DCP1B: variants seen among roughly 807,000 people sequenced by gnomAD.
DCP1B encodes mRNA-decapping enzyme 1B.
In DCP1B, 47 loss-of-function variants were observed where a neutral mutation model predicts 60.5. That is an observed-to-expected ratio of 0.78 (90% CI 0.61 to 0.99). DCP1B has a LOEUF of 0.99. Among genes scored for constraint, DCP1B ranks in the 50% least tolerant of loss-of-function variants. The pLI, the probability that DCP1B is intolerant of heterozygous loss-of-function variation, is 0.00. For synonymous variants in DCP1B, 267 were observed against 280.3 expected (o/e 0.95, Z 0.47); for missense variants, 725 against 756.8 (o/e 0.96, Z 0.49).
At position 1,950,091 on chromosome 12, in the gene DCP1B, A is replaced by C. The variant is rs576916307; in HGVS notation, c.1525-757T>G. On this transcript the variant is annotated intron_variant, in intron 7 of 8. Transcript: ENST00000280665. ...TGCTTCTAACTCAGGGAAGAAAAAG[A>C]ATGTTATTTATCAGCCTCCGAACTC... 4 of 510,500 alleles carry C rather than the reference A, an allele frequency of 7.8e-6. No individual in the cohort carries two copies. In the East Asian group the frequency reaches 1.2e-4, roughly 15 times the overall value. The allele number at this position is 510,500 out of a possible 1,614,324, so 31.6% of individuals were successfully genotyped here.
chr12:1,952,363 G>T, intron 7 of DCP1B, 53 bp downstream of exon 7: 1 of 1,481,178 alleles, frequency 6.8e-7, no homozygotes, highest in South Asian at 1.5e-5. Flanking sequence ...TTTAGGGACA[G>T]GATCTTGCTA....
chr12:1,947,248 C>T (rs2154456266), intron 8 of DCP1B, among the ~76,000 whole-genome samples: 1 of 152,300 alleles, frequency 6.6e-6, no homozygotes, highest in Non-Finnish European at 1.5e-5. Context: ...CTTCTCCCTC[C>T]CACCCAAATT....
chr12:1,979,161 C>A (rs921298107), intron 3 of DCP1B, among the ~76,000 whole-genome samples: 2 of 152,136 alleles, frequency 1.3e-5, no homozygotes, highest in African/African-American at 4.8e-5. Context: ...TACACGTGCC[C>A]GCCATCGAGC....
chr12:1,943,996 G>A (rs984118320), downstream of DCP1B, among the ~76,000 whole-genome samples: 2 of 152,172 alleles, frequency 1.3e-5, no homozygotes, highest in Non-Finnish European at 2.9e-5. Flanking sequence ...AAGTCAAATT[G>A]TCTCTGTTTG....
chr12:1,986,997 T>C (rs2037985494), intron 3 of DCP1B, among the ~76,000 whole-genome samples: 1 of 151,866 alleles, frequency 6.6e-6, no homozygotes, highest in South Asian at 2.1e-4. Context: ...TGAACTGGAA[T>C]AGAAGTGGGG....
intron 3 of DCP1B, among the ~76,000 whole-genome samples, chr12:1,981,132 T>C (rs1417279980): frequency 6.6e-6 from 1 of 152,172 alleles, no homozygotes; most frequent in East Asian, 1.9e-4. Flanking sequence ...CAATCACCTC[T>C]AGGAACTTGT....
chr12:2,004,442 TC>T lies in DCP1B; in HGVS notation c.-12del, dbSNP rs2042966201. The T allele has an allele frequency of 6.2e-7, 1 of 1,602,362 alleles. No individual in the cohort carries two copies. Among genetic ancestry groups the T allele is most frequent in the South Asian group, 1.1e-5 (1 of 89,352 alleles). ...CGCCACGGCTGCCATCTTCCCTCCC[TC>T]CCAGACATAGGCACGGGGCTCTTGG... On this transcript the variant is annotated 5_prime_UTR_variant, in exon 1 of 9. Transcript: ENST00000280665.
intron 3 of DCP1B, among the ~76,000 whole-genome samples, chr12:1,981,611 T>C (rs546491200): frequency 1.1e-4 from 17 of 152,284 alleles, no homozygotes; most frequent in Admixed American, 9.8e-4. Context: ...GATGGTAAAC[T>C]GTAAGGGGGA....
chr12:1,991,611 T>C (rs2039443637), intron 3 of DCP1B: 1 of 204,120 alleles, frequency 4.9e-6, no homozygotes, highest in Non-Finnish European at 9.9e-6. Context: ...CAGCTCCGTT[T>C]AGACTAGCCA....
In DCP1B at chr12:1,962,174, G is replaced by A. The variant is rs1366272275; in HGVS notation, c.522+3384C>T. Among the ~76,000 whole-genome samples the A allele has an allele frequency of 1.3e-5, 2 of 152,192 alleles. No individual in the cohort carries two copies. The highest frequency in any genetic ancestry group is 2.9e-5 in the Non-Finnish European group (2 of 68,034). On this transcript the variant is annotated intron_variant, in intron 5 of 8. Transcript: ENST00000280665. This position sits in a 1 kb window ranked among gnomAD's most constrained non-coding sequence, Gnocchi z 4.4. ...AACTCCAGCAGGCTCTAAACTGTATGAGTGGTCCCCAGTTGCTGGGTACCT... is the reference window on the plus strand; with the variant it reads ...AACTCCAGCAGGCTCTAAACTGTATAAGTGGTCCCCAGTTGCTGGGTACCT...
At chr12:1,979,098 C>T (rs1024716120) in intron 3 of DCP1B, among the ~76,000 whole-genome samples, 6 of 152,254 alleles carry the variant, frequency 3.9e-5, no homozygotes, top group African/African-American at 1.2e-4. Context: ...CTGCAACCTC[C>T]GCCTCCCGCG....
At chr12:1,977,135 T>C (rs2034637481) in intron 3 of DCP1B, among the ~76,000 whole-genome samples, 1 of 152,208 alleles carries the variant, frequency 6.6e-6, no homozygotes, top group Admixed American at 6.5e-5. Flanking sequence ...CTAAACTGAT[T>C]GCAAGGTTAA....
chr12:1,972,612 T>C (rs949475973), intron 3 of DCP1B, among the ~76,000 whole-genome samples: 3 of 152,222 alleles, frequency 2.0e-5, no homozygotes, highest in African/African-American at 7.2e-5. Flanking sequence ...CTAGCCAAAG[T>C]CATTTTTCTT....
intron 3 of DCP1B, among the ~76,000 whole-genome samples, chr12:1,984,773 T>C (rs1241615478): frequency 7.3e-6 from 1 of 136,924 alleles, no homozygotes; most frequent in Non-Finnish European, 1.6e-5. Context: ...CAGTGGGTCT[T>C]CTGGTAAAAA....
chr12:1,972,278 T>G (rs188225543), intron 3 of DCP1B, among the ~76,000 whole-genome samples: 1 of 152,340 alleles, frequency 6.6e-6, no homozygotes, highest in South Asian at 2.1e-4. Context: ...ATATTTTCAA[T>G]GTAAGGATGG....
chr12:1,990,303 A>T (rs2039027912), intron 3 of DCP1B, among the ~76,000 whole-genome samples: 1 of 152,242 alleles, frequency 6.6e-6, no homozygotes, highest in Admixed American at 6.5e-5. Flanking sequence ...TGTTTGCCCT[A>T]ACTTTAACAG....
chr12:1,958,832 GA>G (rs2031008738), intron 5 of DCP1B, among the ~76,000 whole-genome samples: 1 of 88,994 alleles, frequency 1.1e-5, no homozygotes, highest in Non-Finnish European at 2.2e-5. Flanking sequence ...GGAAACAGGG[GA>G]AAAGCTCCCC....
chr12:1,968,896 A>G (rs1170784478), intron 3 of DCP1B, among the ~76,000 whole-genome samples: 1 of 152,254 alleles, frequency 6.6e-6, no homozygotes, highest in African/African-American at 2.4e-5. Context: ...TAATGTTCAA[A>G]TAAGTTGTAT....
At chr12:1,957,970 C>T (rs1198661892) in intron 5 of DCP1B, among the ~76,000 whole-genome samples, 1 of 152,104 alleles carries the variant, frequency 6.6e-6, no homozygotes, top group East Asian at 1.9e-4. Flanking sequence ...GACTATAAAC[C>T]TCCTGGAAGG....
Sources: allele counts gnomAD v4.1 joint callset (sites outside exome capture counted in the v4.1 genomes callset), GRCh38; gene constraint gnomAD v4.1.1; non-coding constraint Gnocchi (gnomAD v3.1); transcripts MANE v1.5; gene names NCBI Gene and HGNC (gene_info 2026-07-23, HGNC 2026-07-21).